The following AGBL4 variants were observed in gnomAD, a reference collection of about 807,000 sequenced individuals.
AGBL4 encodes AGBL carboxypeptidase 4, also known as cytosolic carboxypeptidase 6.
In AGBL4, 58 loss-of-function variants were observed where a neutral mutation model predicts 66.4. The observed-to-expected ratio is 0.87, with a 90% CI of 0.71 to 1.09. AGBL4 has a LOEUF of 1.09. Ranked by LOEUF, AGBL4 falls within the 50% of genes least tolerant of loss-of-function variation. AGBL4 has a pLI of 0.00. For synonymous variants in AGBL4, 234 were observed against 222.9 expected (o/e 1.05, Z -0.44); for missense variants, 579 against 631.0 (o/e 0.92, Z 0.88).
intron 4 of AGBL4, among the ~76,000 whole-genome samples, chr1:49,173,702 A>G (rs1646779685): frequency 6.6e-6 from 1 of 152,190 alleles, no homozygotes; most frequent in South Asian, 2.1e-4. Flanking sequence ...TGGGGTTACA[A>G]TTTTAAATTG....
chr1:49,286,056 A>G (rs1051783708), intron 3 of AGBL4, among the ~76,000 whole-genome samples: 2 of 152,238 alleles, frequency 1.3e-5, no homozygotes, highest in African/African-American at 4.8e-5. Flanking sequence ...GGCTGGTTCA[A>G]TATACACAAA....
intron 5 of AGBL4, among the ~76,000 whole-genome samples, chr1:49,005,679 GTA>G (rs1359751271): frequency 2.6e-5 from 4 of 152,136 alleles, no homozygotes; most frequent in Non-Finnish European, 5.9e-5. Context: ...AAAAAACATA[GTA>G]TATATAGGAT....
chr1:49,374,183 T>C (rs1644424003), intron 3 of AGBL4: 1 of 151,978 alleles, frequency 6.6e-6, no homozygotes, highest in South Asian at 2.1e-4. Context: ...GTTAATACTC[T>C]ATCACTTCAA....
At chr1:49,579,691 G>A (rs1644504833) in intron 3 of AGBL4, among the ~76,000 whole-genome samples, 1 of 152,110 alleles carries the variant, frequency 6.6e-6, no homozygotes. Flanking sequence ...AGTAGAGACG[G>A]GGTTTCACCG....
chr1:49,657,965 A>C (rs550047949), intron 3 of AGBL4, among the ~76,000 whole-genome samples: 2 of 152,328 alleles, frequency 1.3e-5, no homozygotes, highest in South Asian at 2.1e-4. Flanking sequence ...TTCATGTCTA[A>C]AACACCAAAA....
At chr1:49,191,691 T>A (rs528813179) in intron 4 of AGBL4, among the ~76,000 whole-genome samples, 7 of 152,312 alleles carry the variant, frequency 4.6e-5, no homozygotes, top group East Asian at 1.9e-4. Flanking sequence ...CTGCTCCCAC[T>A]TATAAGTGAG....
At chr1:48,554,545 G>C (rs1644293636) in intron 11 of AGBL4, among the ~76,000 whole-genome samples, 2 of 152,150 alleles carry the variant, frequency 1.3e-5, no homozygotes, top group South Asian at 4.1e-4. Context: ...TGCCTAGGAA[G>C]TGTGTGATTA....
At chr1:49,369,537 G>A (rs1466860132) in intron 3 of AGBL4, among the ~76,000 whole-genome samples, 1 of 152,146 alleles carries the variant, frequency 6.6e-6, no homozygotes, top group African/African-American at 2.4e-5. Flanking sequence ...TATCTAAAGG[G>A]AATGTTTCCA....
intron 5 of AGBL4, among the ~76,000 whole-genome samples, chr1:49,005,757 C>G (rs1661738912): frequency 6.6e-6 from 1 of 152,120 alleles, no homozygotes; most frequent in Non-Finnish European, 1.5e-5. Context: ...AGTCCCAGCA[C>G]TTTGGGAGGC....
chr1:48,920,022 C>T (rs956935156), intron 5 of AGBL4, among the ~76,000 whole-genome samples: 1 of 152,144 alleles, frequency 6.6e-6, no homozygotes, highest in African/African-American at 2.4e-5. Context: ...TGGGAAGAAG[C>T]CATTGCCTGT....
intron 3 of AGBL4, among the ~76,000 whole-genome samples, chr1:49,455,186 A>G (rs1364352176): frequency 2.0e-5 from 3 of 151,686 alleles, no homozygotes; most frequent in East Asian, 3.9e-4. Flanking sequence ...GTATGTATAT[A>G]TGTTTACCTG....
chr1:48,744,905 C>G (rs979776861), intron 6 of AGBL4, among the ~76,000 whole-genome samples: 2 of 152,220 alleles, frequency 1.3e-5, no homozygotes, highest in Non-Finnish European at 2.9e-5. Context: ...GCGCTGAACA[C>G]TACCTCATCT....
chr1:48,663,231 C>T lies in AGBL4; in HGVS notation c.645G>A (p.Arg215=), dbSNP rs201135604. ...LLTITSPDNL[R]EGAEQKVVFI... ...ATACCACCTTCTGCTCTGCCCCTTC[C>T]CGGAGATTGTCTGTAAGATAAAATG... The change falls in exon 7 of 14, where the codon CGG becomes CGA. Residue 215 remains arginine, a synonymous_variant. Coordinates refer to ENST00000371839, the MANE Select transcript of AGBL4 (RefSeq NM_032785.4). 1,814 of 1,613,818 alleles carry T rather than the reference C, an allele frequency of 1.1e-3. 2 individuals are homozygous for T. Among genetic ancestry groups the T allele is most frequent in the Non-Finnish European group, 1.4e-3 (1,704 of 1,179,834 alleles).
chr1:48,541,960 T>C (rs867187008), intron 11 of AGBL4, among the ~76,000 whole-genome samples: 26 of 152,240 alleles, frequency 1.7e-4, no homozygotes, highest in South Asian at 6.2e-4. Flanking sequence ...TCATTTACAT[T>C]AGGTATTTCT....
intron 2 of AGBL4, among the ~76,000 whole-genome samples, chr1:49,745,553 G>A (rs1650919470): frequency 6.6e-6 from 1 of 151,792 alleles, no homozygotes. Context: ...ATCCCCAACA[G>A]ATAAGAGAAG....
At chr1:48,925,382 T>C (rs1654452339) in intron 5 of AGBL4, among the ~76,000 whole-genome samples, 1 of 152,224 alleles carries the variant, frequency 6.6e-6, no homozygotes, top group Non-Finnish European at 1.5e-5. Context: ...GTGTAAATAG[T>C]TGTTTTACTA....
intron 3 of AGBL4, among the ~76,000 whole-genome samples, chr1:49,339,008 C>T (rs561474294): frequency 6.6e-6 from 1 of 152,098 alleles, no homozygotes; most frequent in Middle Eastern, 3.4e-3. Context: ...AACCCAGGTC[C>T]AGAGAATTAA....
chr1:49,798,796 C>T (rs935428778), intron 2 of AGBL4, among the ~76,000 whole-genome samples: 2 of 152,096 alleles, frequency 1.3e-5, no homozygotes, highest in African/African-American at 4.8e-5. Context: ...ATTTTCCAAA[C>T]TCTGGAAGTA....
At chr1:48,577,878 T>G (rs1264306807) in intron 11 of AGBL4, among the ~76,000 whole-genome samples, 1 of 152,102 alleles carries the variant, frequency 6.6e-6, no homozygotes, top group Non-Finnish European at 1.5e-5. Flanking sequence ...AGGAAATGGA[T>G]GGAAACTGGG....
Sources: gnomAD v4.1 joint callset for allele counts (sites outside exome capture counted in the v4.1 genomes callset) on GRCh38, gnomAD v4.1.1 for gene constraint, MANE v1.5 for transcripts, NCBI Gene and HGNC (gene_info 2026-07-23, HGNC 2026-07-21) for gene names.